Variants in COL22A1 observed in about 807,000 individuals in gnomAD.
The protein encoded by COL22A1 is collagen type XXII alpha 1 chain, also known as collagen alpha-1(XXII) chain.
Under a neutral mutation model 248.9 loss-of-function variants are expected in COL22A1, and 221 were observed. The observed-to-expected ratio is 0.89, with a 90% CI of 0.80 to 0.99. COL22A1 has a LOEUF of 0.99. Among genes scored for constraint, COL22A1 ranks in the 50% least tolerant of loss-of-function variants. The pLI, the probability that COL22A1 is intolerant of heterozygous loss-of-function variation, is 0.00. For missense variants in COL22A1, 2,240 were observed against 2,179.0 expected (o/e 1.03, Z -0.56); for synonymous variants, 891 against 793.4 (o/e 1.12, Z -2.07).
Position 138,604,773 on chromosome 8 carries a change from G to A in COL22A1, c.4105-4C>T, listed in dbSNP as rs377194231. The A allele has an allele frequency of 6.0e-4, 974 of 1,611,274 alleles. No homozygotes were observed. Among genetic ancestry groups the A allele is most frequent in the Non-Finnish European group, 7.8e-4 (915 of 1,178,550 alleles). On this transcript the variant is annotated splice_polypyrimidine_tract_variant and splice_region_variant and intron_variant, in intron 58 of 64. Transcript: ENST00000303045. The stretch of plus-strand genomic sequence containing the variant: ...CTCCTTTCTCTCCTGGTTCTCCCTG[G>A]AAAACAGAACAGAATATCAGTGGCT...
At chr8:138,800,996 G>A (rs1386987245) in intron 11 of COL22A1, among the ~76,000 whole-genome samples, 2 of 152,192 alleles carry the variant, frequency 1.3e-5, no homozygotes, top group East Asian at 1.9e-4. Context: ...TCACGTCACC[G>A]AGCTGATGTG....
chr8:138,906,646 G>A (rs547763117), intron 1 of COL22A1, among the ~76,000 whole-genome samples: 1 of 151,280 alleles, frequency 6.6e-6, no homozygotes, highest in African/African-American at 2.4e-5. Context: ...ACATAAGACT[G>A]ACTTTCTTTT....
intron 3 of COL22A1, among the ~76,000 whole-genome samples, chr8:138,866,947 G>A (rs888480581): frequency 6.6e-6 from 1 of 152,166 alleles, no homozygotes; most frequent in East Asian, 1.9e-4. Context: ...GCACTCCAGG[G>A]AGGAAACTGA....
At chr8:138,722,854 G>A (rs1448526927) in intron 25 of COL22A1, among the ~76,000 whole-genome samples, 1 of 128,886 alleles carries the variant, frequency 7.8e-6, no homozygotes, top group Non-Finnish European at 1.7e-5. Flanking sequence ...TGGGGGCGGG[G>A]GGGGGGTGGT....
intron 41 of COL22A1, among the ~76,000 whole-genome samples, chr8:138,671,506 A>T (rs1305605770): frequency 6.6e-6 from 1 of 152,256 alleles, no homozygotes; most frequent in Non-Finnish European, 1.5e-5. Flanking sequence ...CGTGATTCTA[A>T]TCATCTCTGC....
intron 62 of COL22A1, among the ~76,000 whole-genome samples, chr8:138,595,288 A>G (rs1015838279): frequency 2.6e-5 from 4 of 151,950 alleles, no homozygotes; most frequent in Non-Finnish European, 5.9e-5. Context: ...CTGAGCCTTG[A>G]TTTTCTCATC....
intron 23 of COL22A1, 96 bp from the exon 24 acceptor site, chr8:138,725,536 A>G (rs1436955317): frequency 1.1e-6 from 1 of 946,922 alleles, no homozygotes; most frequent in Non-Finnish European, 1.6e-6. Flanking sequence ...AGGGGACAGG[A>G]GGATGAGGTG....
chr8:138,908,530 T>G (rs1815197541), intron 1 of COL22A1, among the ~76,000 whole-genome samples: 1 of 152,258 alleles, frequency 6.6e-6, no homozygotes, highest in South Asian at 2.1e-4. Flanking sequence ...GTAATTTTTG[T>G]TAAGAGCATA....
intron 12 of COL22A1, 117 bp from the exon 13 acceptor site, chr8:138,781,097 C>T (rs1431718811): frequency 1.4e-6 from 1 of 731,340 alleles, no homozygotes; most frequent in African/African-American, 1.8e-5. Flanking sequence ...AAGACTGCTG[C>T]TCAAAAATTG....
At chr8:138,709,062 G>A (rs943174653) in intron 30 of COL22A1, among the ~76,000 whole-genome samples, 13 of 152,336 alleles carry the variant, frequency 8.5e-5, no homozygotes, top group Admixed American at 3.3e-4. Context: ...GGTCATCAGA[G>A]AAATGCTAAT....
chr8:138,802,951 A>G lies in COL22A1; in HGVS notation c.1495-17T>C. ...TATGTCTCCCTGAGGGGTTGAGACCAGAGACAAGCATCAGATTAGGTTTCC... is the reference window on the plus strand; with the variant it reads ...TATGTCTCCCTGAGGGGTTGAGACCGGAGACAAGCATCAGATTAGGTTTCC... On this transcript the variant is annotated splice_polypyrimidine_tract_variant and intron_variant, in intron 10 of 64. Transcript: ENST00000303045. The G allele has an allele frequency of 6.2e-7, 1 of 1,607,202 alleles. No homozygotes were observed. Among genetic ancestry groups the G allele is most frequent in the Non-Finnish European group, 8.5e-7 (1 of 1,173,648 alleles).
chr8:138,882,768 G>A (rs947542498), intron 2 of COL22A1, among the ~76,000 whole-genome samples: 10 of 143,222 alleles, frequency 7.0e-5, no homozygotes, highest in South Asian at 6.9e-4. Context: ...TCACTCCCTC[G>A]CACACTTCAA....
intron 25 of COL22A1, among the ~76,000 whole-genome samples, chr8:138,724,027 A>C (rs986560297): frequency 2.6e-5 from 4 of 152,136 alleles, no homozygotes; most frequent in Non-Finnish European, 5.9e-5. Flanking sequence ...AAGGTGGCCC[A>C]GGGGCCTCCC....
chr8:138,606,537 C>A, intron 57 of COL22A1, 85 bp from the exon 58 acceptor site: 1 of 1,333,422 alleles, frequency 7.5e-7, no homozygotes. Flanking sequence ...ACTCTGAAAT[C>A]AAAAGGCCTG....
intron 30 of COL22A1, among the ~76,000 whole-genome samples, chr8:138,715,219 G>A (rs772932536): frequency 1.3e-5 from 2 of 152,114 alleles, no homozygotes; most frequent in Non-Finnish European, 2.9e-5. Flanking sequence ...TTCTCAAAAA[G>A]CAGCTGTGGA....
intron 32 of COL22A1, among the ~76,000 whole-genome samples, 200 bp from the exon 33 acceptor site, chr8:138,695,079 G>T (rs896451303): frequency 6.6e-6 from 1 of 152,136 alleles, no homozygotes; most frequent in African/African-American, 2.4e-5. Flanking sequence ...TCATCTTTCA[G>T]GTCAGGAATC....
Position 138,626,213 on chromosome 8 carries a change from G to C in COL22A1, c.3694C>G (p.Pro1232Ala). 1 of 1,606,632 alleles carries C rather than the reference G, an allele frequency of 6.2e-7. No individual in the cohort carries two copies. Among genetic ancestry groups the C allele is most frequent in the Non-Finnish European group, 8.5e-7 (1 of 1,177,542 alleles). Residue 1232 changes from proline to alanine, a missense_variant, in exon 51 of 65, where the codon CCA becomes GCA. Pro to Ala is a conservative substitution (Grantham distance 27, BLOSUM62 -1). Coordinates refer to ENST00000303045, the MANE Select transcript of COL22A1 (RefSeq NM_152888.3). ...GKEGPPGPQGPSGLPGIPGEE... is the reference protein window; with the variant it reads ...GKEGPPGPQGASGLPGIPGEE... ...ACTGGGATTCCGGGTAATCCAGATG[G>C]GCCTTGGGGGCCAGGAGGGCCTTCT... is the stretch of plus-strand genomic sequence containing the variant.
chr8:138,867,047 C>T (rs16893548), intron 3 of COL22A1, among the ~76,000 whole-genome samples: 8,150 of 152,194 alleles, frequency 0.054, 226 homozygotes, highest in Middle Eastern at 0.075. Flanking sequence ...GTATATTATC[C>T]GATGTTGGCA....
At chr8:138,742,345 CGTGATGGTGATG>C (rs1215645645) in intron 22 of COL22A1, among the ~76,000 whole-genome samples, 1 of 94,934 alleles carries the variant, frequency 1.1e-5, no homozygotes, top group East Asian at 3.3e-4. Flanking sequence ...TGCTAGTGAT[CGTGATGGTGATG>C]GTGGAGTTGA....
Sources: allele counts gnomAD v4.1 joint callset (sites outside exome capture counted in the v4.1 genomes callset), GRCh38; gene constraint gnomAD v4.1.1; transcripts MANE v1.5; gene names NCBI Gene and HGNC (gene_info 2026-07-23, HGNC 2026-07-21).